The following CNKSR2 variants were observed in gnomAD, a reference collection of about 807,000 sequenced individuals.
The protein encoded by CNKSR2 is CNK homolog protein 2.
A neutral mutation model predicts 84.4 loss-of-function variants in CNKSR2; 14 were observed. The observed-to-expected ratio is 0.17, with a 90% CI of 0.11 to 0.26. The LOEUF (loss-of-function observed/expected upper bound fraction) is 0.26. Among genes scored for constraint, CNKSR2 ranks in the 10% least tolerant of loss-of-function variants. The pLI is 1.00. For missense variants in CNKSR2, 485 were observed against 771.2 expected (o/e 0.63, Z 4.40); for synonymous variants, 275 against 277.9 (o/e 0.99, Z 0.10).
intron 16 of CNKSR2, 42 bp from the exon 17 acceptor site, chrX:21,595,282 A>G: frequency 9.7e-7 from 1 of 1,030,583 alleles, no homozygotes; most frequent in South Asian, 2.0e-5. Flanking sequence ...GTTCAAACTT[A>G]TTTCCCAATT....
chrX:21,475,100 A>G (rs1235634554), intron 5 of CNKSR2, among the ~76,000 whole-genome samples: 16 of 112,190 alleles, frequency 1.4e-4, no homozygotes, highest in Admixed American at 9.4e-5. Flanking sequence ...GTTAGATACA[A>G]TGAATTAGAT....
chrX:21,378,640 A>C (rs1289970527), intron 1 of CNKSR2, among the ~76,000 whole-genome samples: 2 of 110,872 alleles, frequency 1.8e-5, no homozygotes, highest in East Asian at 5.6e-4. Flanking sequence ...TGTCACACCC[A>C]GTCTTTCCAT....
intron 11 of CNKSR2, among the ~76,000 whole-genome samples, chrX:21,541,236 C>T (rs901974595): frequency 1.8e-5 from 2 of 111,690 alleles, no homozygotes; most frequent in African/African-American, 6.5e-5. Context: ...CCACCTCAGC[C>T]TCCCAAGGTG....
chrX:21,401,021 T>C (rs1277275201), intron 1 of CNKSR2, among the ~76,000 whole-genome samples: 1 of 111,646 alleles, frequency 9.0e-6, no homozygotes, highest in African/African-American at 3.2e-5. Flanking sequence ...TAGTCCTTTT[T>C]AGCTTTGAAG....
At chrX:21,649,102 T>A in intron 21 of CNKSR2, 75 bp downstream of exon 21, 1 of 769,212 alleles carries the variant, frequency 1.3e-6, no homozygotes, top group Non-Finnish European at 1.9e-6. Context: ...TACTGTAGGT[T>A]AAGAAATACA....
At chrX:21,550,746 G>A (rs754926204) in intron 11 of CNKSR2, among the ~76,000 whole-genome samples, 1 of 111,404 alleles carries the variant, frequency 9.0e-6, no homozygotes, top group Non-Finnish European at 1.9e-5. Flanking sequence ...CATAAAAAAG[G>A]ATGAGTTTGC....
chrX:21,443,296 T>C (rs1216852999), intron 4 of CNKSR2, among the ~76,000 whole-genome samples: 25 of 111,912 alleles, frequency 2.2e-4, no homozygotes, highest in South Asian at 3.7e-4. Flanking sequence ...GAAAAATAAA[T>C]GTCAGAGATT....
At chrX:21,377,699 A>G (rs1341302635) in intron 1 of CNKSR2, among the ~76,000 whole-genome samples, 1 of 111,503 alleles carries the variant, frequency 9.0e-6, no homozygotes, top group East Asian at 2.8e-4. Context: ...TTCTTCACTA[A>G]ACAGAAAAAG....
intron 20 of CNKSR2, among the ~76,000 whole-genome samples, chrX:21,633,214 T>G (rs976725628): frequency 9.0e-6 from 1 of 111,583 alleles, no homozygotes; most frequent in Non-Finnish European, 1.9e-5. Flanking sequence ...CACCCCTTGA[T>G]TTGCACATTC....
chrX:21,430,739 A>G (rs2090624078), intron 2 of CNKSR2, among the ~76,000 whole-genome samples: 1 of 112,096 alleles, frequency 8.9e-6, no homozygotes, highest in Admixed American at 9.5e-5. Flanking sequence ...GTATAGTTAT[A>G]AATTGTTCTT....
At chrX:21,474,675 G>T (rs1456016420) in intron 5 of CNKSR2, among the ~76,000 whole-genome samples, 1 of 111,661 alleles carries the variant, frequency 9.0e-6, no homozygotes, top group African/African-American at 3.3e-5. Flanking sequence ...AGTGGGCTGA[G>T]TGGGTATGAG....
intron 11 of CNKSR2, among the ~76,000 whole-genome samples, chrX:21,545,486 G>A (rs969622779): frequency 2.7e-5 from 3 of 112,111 alleles, no homozygotes; most frequent in African/African-American, 9.7e-5. Flanking sequence ...GTGGCTGTGG[G>A]TGCAGCTTCG....
At chrX:21,443,240 G>T (rs1382555365) in intron 4 of CNKSR2, among the ~76,000 whole-genome samples, 2 of 111,554 alleles carry the variant, frequency 1.8e-5, no homozygotes, top group African/African-American at 6.5e-5. Flanking sequence ...AATGGGTAAG[G>T]AATAAAGAGA....
Position 21,563,320 on chromosome X carries a change from A to G in CNKSR2, c.1476A>G (p.Thr492=), listed in dbSNP as rs762263069. 9.1e-6 allele frequency: 11 copies of G among 1,208,539 alleles called. No individual in the cohort carries two copies. The highest frequency in any genetic ancestry group is 8.9e-6 in the Non-Finnish European group (8 of 894,009). The stretch of plus-strand genomic sequence containing the variant: ...TTCAGAGAAACAGCAAAAAGGACAC[A>G]GGGAAGAAGTCAAAAAAGAAGGGTG... The part of the protein sequence containing the change: ...YMFQRNSKKD[T]GKKSKKKGDK... Residue 492 remains threonine (T), a synonymous_variant, in exon 13 of 22, where the codon ACA becomes ACG. Coordinates refer to ENST00000379510, the MANE Select transcript of CNKSR2 (RefSeq NM_014927.5).
intron 4 of CNKSR2, among the ~76,000 whole-genome samples, chrX:21,456,725 A>G (rs1168593148): frequency 9.0e-6 from 1 of 111,703 alleles, no homozygotes; most frequent in Non-Finnish European, 1.9e-5. Context: ...CCTTGGATAT[A>G]TACTCAGAAG....
At chrX:21,466,329 A>G (rs1028435203) in intron 4 of CNKSR2, among the ~76,000 whole-genome samples, 5 of 111,343 alleles carry the variant, frequency 4.5e-5, no homozygotes, top group Admixed American at 2.9e-4. Flanking sequence ...ATCTTTTGGG[A>G]AAGGATTTGG....
intron 5 of CNKSR2, among the ~76,000 whole-genome samples, chrX:21,478,903 A>G (rs1470555580): frequency 8.9e-6 from 1 of 111,862 alleles, no homozygotes; most frequent in Non-Finnish European, 1.9e-5. Context: ...ATGACCAAGG[A>G]CACTATATAT....
At chrX:21,517,922 G>C (rs966593788) in intron 9 of CNKSR2, among the ~76,000 whole-genome samples, 2 of 111,377 alleles carry the variant, frequency 1.8e-5, no homozygotes, top group African/African-American at 6.5e-5. Flanking sequence ...AGATTATAAT[G>C]ATTTTTCATT....
rs1358343247 is a variant in CNKSR2, at chrX:21,440,755, C to T, written c.493C>T (p.Leu165=). Residue 165 remains leucine, a synonymous_variant, in exon 4 of 22, where the codon CTG becomes TTG. Transcript: ENST00000379510. The part of the protein sequence containing the change: ...VTRNNVIQLC[L]ELTTIVQQDC... ...AAGAAATAATGTCATACAACTCTGC[C>T]TGGAGTTAACAACAATTGTGCAACA... 2.5e-6 allele frequency: 3 copies of T among 1,182,732 alleles called. No individual in the cohort carries two copies. Among genetic ancestry groups the T allele is most frequent in the Non-Finnish European group, 3.4e-6 (3 of 874,989 alleles).
Sources: allele counts gnomAD v4.1 joint callset (sites outside exome capture counted in the v4.1 genomes callset), GRCh38; gene constraint gnomAD v4.1.1; transcripts MANE v1.5; gene names NCBI Gene and HGNC (gene_info 2026-07-23, HGNC 2026-07-21).